Variants in MAML2 observed in about 807,000 individuals in gnomAD.
The protein encoded by MAML2 is mastermind like transcriptional coactivator 2.
In MAML2, 22 loss-of-function variants were observed where a neutral mutation model predicts 96.1. The ratio of observed to expected loss-of-function variants is 0.23; its 90% CI spans 0.16 to 0.33. MAML2 has a LOEUF of 0.33. Ranked by LOEUF, MAML2 falls within the 10% of genes least tolerant of loss-of-function variation. MAML2 has a pLI of 1.00. For synonymous variants in MAML2, 561 were observed against 521.3 expected, an observed-to-expected ratio of 1.08 and a Z score of -1.04; for missense variants, 1,367 against 1,392.4, an observed-to-expected ratio of 0.98 and a Z score of 0.29.
At chr11:96,166,173 T>TCA (rs1209384302) in intron 1 of MAML2, among the ~76,000 whole-genome samples, 4,185 of 110,034 alleles carry the variant, frequency 0.038, 61 homozygotes, top group African/African-American at 0.07. Flanking sequence ...TCTCTCTCTC[T>TCA]CTCTCACACA....
intron 1 of MAML2, among the ~76,000 whole-genome samples, chr11:96,189,314 G>A (rs1036733452): frequency 1.3e-5 from 2 of 152,066 alleles, no homozygotes; most frequent in East Asian, 1.9e-4. Context: ...CACAAGTTTC[G>A]TGCTTATAAT....
chr11:96,014,768 A>G (rs1162894255), intron 2 of MAML2, among the ~76,000 whole-genome samples: 1 of 152,242 alleles, frequency 6.6e-6, no homozygotes, highest in Non-Finnish European at 1.5e-5. Context: ...TCTTAGAACA[A>G]AGACTTAAAT....
chr11:96,071,228 C>A (rs1859340256), intron 2 of MAML2, among the ~76,000 whole-genome samples: 1 of 152,226 alleles, frequency 6.6e-6, no homozygotes, highest in Non-Finnish European at 1.5e-5. Context: ...ACTGTAGAGT[C>A]TGGTATAAAC....
At chr11:96,104,673 G>A (rs1859993175) in intron 1 of MAML2, among the ~76,000 whole-genome samples, 1 of 152,142 alleles carries the variant, frequency 6.6e-6, no homozygotes, top group African/African-American at 2.4e-5. Flanking sequence ...TAAGAGATAT[G>A]GAAGGCTGCC....
chr11:96,302,654 T>C (rs1177012731), intron 1 of MAML2, among the ~76,000 whole-genome samples: 9 of 152,192 alleles, frequency 5.9e-5, no homozygotes. Flanking sequence ...CCTGATTCCT[T>C]ACATTTTCTA....
chr11:96,242,209 A>G (rs1862446774), intron 1 of MAML2, among the ~76,000 whole-genome samples: 1 of 152,232 alleles, frequency 6.6e-6, no homozygotes. Context: ...GAATAAAGTG[A>G]TTTATTTCAT....
At chr11:96,193,947 G>C (rs1384401861) in intron 1 of MAML2, among the ~76,000 whole-genome samples, 1 of 152,196 alleles carries the variant, frequency 6.6e-6, no homozygotes, top group East Asian at 1.9e-4. Context: ...GCAGAGGGGA[G>C]AGTGCCCAGA....
intron 2 of MAML2, among the ~76,000 whole-genome samples, chr11:96,034,792 T>C (rs7943261): frequency 0.11 from 16,829 of 152,084 alleles, 1,211 homozygotes; most frequent in East Asian, 0.22. Context: ...CACTATAAAT[T>C]TGAGGTCATA....
At chr11:96,021,835 C>T (rs1164272442) in intron 2 of MAML2, among the ~76,000 whole-genome samples, 3 of 152,196 alleles carry the variant, frequency 2.0e-5, no homozygotes, top group South Asian at 2.1e-4. Flanking sequence ...GAGGGTAATG[C>T]CAAGAACTGA....
At position 96,329,822 on chromosome 11, in the gene MAML2, G is replaced by A. The variant is rs1302917118; in HGVS notation, c.513+11561C>T. Among the ~76,000 whole-genome samples the A allele has an allele frequency of 2.6e-5, 4 of 152,148 alleles. No individual in the cohort carries two copies. The East Asian group carries it at 7.7e-4, about 29-fold the overall frequency. On this transcript the variant is annotated intron_variant, in intron 1 of 4. Coordinates refer to ENST00000524717, the MANE Select transcript of MAML2 (RefSeq NM_032427.4). ...AGATGGAAAAAATGAGGCTGTTAGG[G>A]TAATTTCCTATCAAAAAGAGTGACA...
rs575049088 is a variant in MAML2, at chr11:96,163,787, A to T, written c.514-70270T>A. ...AGGTAATATCTCAAAATAGATTTTC[A>T]TTGCCAGAGCAGGCAGAAGCCCATT... On this transcript the variant is annotated intron_variant, in intron 1 of 4. Coordinates refer to ENST00000524717, the MANE Select transcript of MAML2 (RefSeq NM_032427.4). Among the ~76,000 whole-genome samples, 8 of 152,166 alleles carry T rather than the reference A, an allele frequency of 5.3e-5. No individual in the cohort carries two copies. In the South Asian group the frequency reaches 1.7e-3, roughly 32 times the overall value.
intron 1 of MAML2, among the ~76,000 whole-genome samples, chr11:96,153,467 G>C (rs142547818): frequency 2.2e-4 from 34 of 152,218 alleles, no homozygotes; most frequent in African/African-American, 7.7e-4. Flanking sequence ...TGATCATCAT[G>C]AATTTATTAG....
In MAML2 at chr11:96,089,782, G is replaced by T. The variant is rs1032236354; in HGVS notation, c.2139+2110C>A. ...TAAAGCTGGGATAAAGCTTTAAATG[G>T]GTGGCTACTCCCTGTATCGAAGAGA... is the stretch of plus-strand genomic sequence containing the variant. On this transcript the variant is annotated intron_variant, in intron 2 of 4. Coordinates refer to ENST00000524717, the MANE Select transcript of MAML2 (RefSeq NM_032427.4). 3.9e-5 allele frequency among the ~76,000 whole-genome samples: 6 copies of T among 151,942 alleles called. No homozygotes were observed. The East Asian group carries it at 9.6e-4, about 24-fold the overall frequency.
intron 1 of MAML2, among the ~76,000 whole-genome samples, chr11:96,145,341 A>G (rs1354418475): frequency 6.6e-6 from 1 of 152,230 alleles, no homozygotes; most frequent in Non-Finnish European, 1.5e-5. Flanking sequence ...TAAACGCTCA[A>G]GATCCTTGGA....
intron 1 of MAML2, among the ~76,000 whole-genome samples, chr11:96,279,415 T>C (rs963668635): frequency 6.6e-6 from 1 of 152,230 alleles, no homozygotes; most frequent in Non-Finnish European, 1.5e-5. Context: ...GCTGTCCTTA[T>C]GATGACCTTT....
At chr11:96,095,501 G>A (rs569808206) in intron 1 of MAML2, among the ~76,000 whole-genome samples, 130 of 152,294 alleles carry the variant, frequency 8.5e-4, no homozygotes, top group Non-Finnish European at 1.6e-3. Context: ...TGGGAATTTT[G>A]GATTTGGAGA....
chr11:96,188,140 G>C (rs12161760), intron 1 of MAML2, among the ~76,000 whole-genome samples: 1 of 152,188 alleles, frequency 6.6e-6, no homozygotes, highest in East Asian at 1.9e-4. Context: ...AGAACTCTTA[G>C]GTTTAGTGAA....
Position 96,200,933 on chromosome 11 carries a change from A to T in MAML2, c.514-107416T>A, listed in dbSNP as rs1332873774. Among the ~76,000 whole-genome samples, 11 of 152,278 alleles carry T rather than the reference A, an allele frequency of 7.2e-5. No homozygotes were observed. In the East Asian group the frequency reaches 1.9e-3, roughly 27 times the overall value. On this transcript the variant is annotated intron_variant, in intron 1 of 4. Coordinates refer to ENST00000524717, the MANE Select transcript of MAML2 (RefSeq NM_032427.4). ...ATTCTATATAACAAAAACAACCAGG[A>T]TGATAAGCTTTATTTCTGAATTTCT...
chr11:96,035,311 A>C (rs1158670518), intron 2 of MAML2, among the ~76,000 whole-genome samples: 1 of 152,238 alleles, frequency 6.6e-6, no homozygotes, highest in Non-Finnish European at 1.5e-5. Context: ...TCTGATTTTA[A>C]AATTTCAAAT....
Sources: gnomAD v4.1 joint callset for allele counts (sites outside exome capture counted in the v4.1 genomes callset) on GRCh38, gnomAD v4.1.1 for gene constraint, MANE v1.5 for transcripts, NCBI Gene and HGNC (gene_info 2026-07-23, HGNC 2026-07-21) for gene names.